NCKAP5: variants seen among roughly 807,000 people sequenced by gnomAD.
NCKAP5 encodes NCK associated protein 5.
Under a neutral mutation model 167.0 loss-of-function variants are expected in NCKAP5, and 92 were observed. The observed-to-expected ratio is 0.55, with a 90% CI of 0.47 to 0.66. The LOEUF (loss-of-function observed/expected upper bound fraction) is 0.66. Among genes scored for constraint, NCKAP5 ranks in the 30% least tolerant of loss-of-function variants. NCKAP5 has a pLI of 0.00. For missense variants in NCKAP5, 2,378 were observed against 2,315.0 expected (o/e 1.03, Z -0.56); for synonymous variants, 891 against 877.4 (o/e 1.02, Z -0.27).
At chr2:133,594,750 A>C in the NCKAP5 span, among the ~76,000 whole-genome samples, 4 of 152,202 alleles carry the variant, frequency 2.6e-5, no homozygotes, top group Non-Finnish European at 1.5e-5. Flanking sequence ...TTTGATACAA[A>C]GTTTAAAAGG....
chr2:133,179,556 T>C (rs539918147), intron 5 of NCKAP5, among the ~76,000 whole-genome samples: 1 of 152,248 alleles, frequency 6.6e-6, no homozygotes, highest in South Asian at 2.1e-4. Context: ...TTTAAAGCAG[T>C]TGTGATTAAA....
Position 132,940,554 on chromosome 2 carries a change from A to T in NCKAP5, c.579+23166T>A, listed in dbSNP as rs72994838. On this transcript the variant is annotated intron_variant, in intron 8 of 19. Transcript: ENST00000409261. ...GAAACTGAATAACAGTAAAAAAAAT[A>T]ACTAGCAACAAGCTAAATGTTCAAT... Among the ~76,000 whole-genome samples the T allele has an allele frequency of 7.3e-3, 1,111 of 152,330 alleles. 19 individuals are homozygous for T. Among genetic ancestry groups the T allele is most frequent in the African/African-American group, 0.025 (1,055 of 41,576 alleles).
chr2:133,439,358 T>C lies in NCKAP5; in HGVS notation c.69+78100A>G, dbSNP rs1296791871. 2.6e-5 allele frequency among the ~76,000 whole-genome samples: 4 copies of C among 152,188 alleles called. No homozygotes were observed. The East Asian group carries it at 7.7e-4, about 29-fold the overall frequency. The stretch of plus-strand genomic sequence containing the variant: ...ATCATATTCAATTAATGATTGTACT[T>C]GGATATATTGCTCTTTTCAGAAGCT... On this transcript the variant is annotated intron_variant, in intron 3 of 19. Transcript: ENST00000409261.
chr2:132,762,072 C>A (rs1280031552), intron 16 of NCKAP5, among the ~76,000 whole-genome samples: 2 of 152,222 alleles, frequency 1.3e-5, no homozygotes, highest in Non-Finnish European at 2.9e-5. Context: ...GATGATTCCA[C>A]TCCATCCTCG....
intron 3 of NCKAP5, among the ~76,000 whole-genome samples, chr2:133,387,403 G>A (rs1351610349): frequency 6.6e-6 from 1 of 152,188 alleles, no homozygotes; most frequent in East Asian, 1.9e-4. Flanking sequence ...TAGAGTTTCT[G>A]CCGAGAGATC....
chr2:133,424,998 G>A (rs1266342146), intron 3 of NCKAP5, among the ~76,000 whole-genome samples: 2 of 152,200 alleles, frequency 1.3e-5, no homozygotes, highest in African/African-American at 4.8e-5. Context: ...GAGCTGAGAA[G>A]GCCATAAAAT....
chr2:133,648,262 A>T, the NCKAP5 span, among the ~76,000 whole-genome samples: 30 of 124,086 alleles, frequency 2.4e-4, no homozygotes, highest in African/African-American at 6.0e-4. Context: ...TAGATATATT[A>T]AAAAAAAACT....
At chr2:132,710,741 T>G (rs62176980) in intron 19 of NCKAP5, among the ~76,000 whole-genome samples, 1,738 of 152,336 alleles carry the variant, frequency 0.011, 17 homozygotes, top group Non-Finnish European at 0.017. Context: ...AAGAGCTGTT[T>G]TAGCCCATAA....
At chr2:133,437,428 CTGTT>C (rs1690560385) in intron 3 of NCKAP5, among the ~76,000 whole-genome samples, 1 of 151,490 alleles carries the variant, frequency 6.6e-6, no homozygotes, top group Admixed American at 6.6e-5. Flanking sequence ...CACATGGTAA[CTGTT>C]AGAAAGGCTG....
chr2:133,634,149 G>A, the NCKAP5 span, among the ~76,000 whole-genome samples: 1 of 152,148 alleles, frequency 6.6e-6, no homozygotes, highest in African/African-American at 2.4e-5. Context: ...TGAGCTGTGG[G>A]CTGTGTACTA....
At chr2:132,841,467 G>T (rs189375697) in intron 11 of NCKAP5, among the ~76,000 whole-genome samples, 1 of 152,094 alleles carries the variant, frequency 6.6e-6, no homozygotes, top group Non-Finnish European at 1.5e-5. Context: ...AATGTGTAAA[G>T]GAATACAGTT....
At chr2:132,707,815 G>A (rs1331957197) in intron 19 of NCKAP5, among the ~76,000 whole-genome samples, 2 of 152,160 alleles carry the variant, frequency 1.3e-5, no homozygotes, top group African/African-American at 4.8e-5. Flanking sequence ...GGAGAGGAGA[G>A]GGAAGAGTAA....
intron 12 of NCKAP5, among the ~76,000 whole-genome samples, chr2:132,793,350 A>G (rs1684227082): frequency 6.6e-6 from 1 of 152,104 alleles, no homozygotes; most frequent in Admixed American, 6.6e-5. Context: ...GGAGGTGGAG[A>G]AGGCCTGTGA....
At chr2:133,550,562 A>C (rs1212845225) in intron 2 of NCKAP5, among the ~76,000 whole-genome samples, 2 of 120,302 alleles carry the variant, frequency 1.7e-5, no homozygotes, top group East Asian at 2.6e-4. Context: ...TCATGCTAAA[A>C]ACTCTCAATA....
intron 8 of NCKAP5, among the ~76,000 whole-genome samples, chr2:132,960,545 G>A (rs974422280): frequency 5.3e-5 from 8 of 152,184 alleles, no homozygotes; most frequent in Non-Finnish European, 1.2e-4. Flanking sequence ...GAAAAATCAA[G>A]TAAAGGGGGC....
At chr2:133,160,500 T>C (rs1034306834) in intron 5 of NCKAP5, among the ~76,000 whole-genome samples, 8 of 149,882 alleles carry the variant, frequency 5.3e-5, no homozygotes, top group Non-Finnish European at 1.2e-4. Context: ...CAGGCAGCCC[T>C]TAGGATCAGA....
At chr2:133,349,962 T>C (rs1684245421) in intron 3 of NCKAP5, among the ~76,000 whole-genome samples, 1 of 152,240 alleles carries the variant, frequency 6.6e-6, no homozygotes, top group South Asian at 2.1e-4. Context: ...TGTCAAATCA[T>C]GGCAGAGATT....
chr2:133,116,081 G>A (rs1030476965), intron 6 of NCKAP5, among the ~76,000 whole-genome samples: 1 of 151,852 alleles, frequency 6.6e-6, no homozygotes, highest in Non-Finnish European at 1.5e-5. Context: ...CATTAATCAA[G>A]TAATTCTGGA....
intron 19 of NCKAP5, among the ~76,000 whole-genome samples, chr2:132,678,613 G>C (rs1684805124): frequency 6.6e-6 from 1 of 152,134 alleles, no homozygotes; most frequent in African/African-American, 2.4e-5. Context: ...GTCAGGTACT[G>C]GGTTGAATGC....
Sources: allele counts gnomAD v4.1 joint callset (sites outside exome capture counted in the v4.1 genomes callset), GRCh38; gene constraint gnomAD v4.1.1; transcripts MANE v1.5; gene names NCBI Gene and HGNC (gene_info 2026-07-23, HGNC 2026-07-21).